Variants in MIB1 observed in about 807,000 individuals in gnomAD.
The protein encoded by MIB1 is E3 ubiquitin-protein ligase MIB1.
Under a neutral mutation model 124.5 loss-of-function variants are expected in MIB1, and 278 were observed. That is an observed-to-expected ratio of 2.23 (90% CI 2.02 to 2.47). The LOEUF (loss-of-function observed/expected upper bound fraction) is 2.47. MIB1 is among the 30% of genes most tolerant of loss of function. The probability of loss-of-function intolerance (pLI) is 0.00; values close to 1 mark genes in which losing one functional copy is unlikely to be tolerated. For missense variants in MIB1, 957 were observed against 1,254.4 expected (o/e 0.76, Z 3.58); for synonymous variants, 446 against 429.4 (o/e 1.04, Z -0.48).
At chr18:21,723,918 C>T (rs866053531) in intron 1 of MIB1, among the ~76,000 whole-genome samples, 6 of 151,752 alleles carry the variant, frequency 4.0e-5, no homozygotes, top group South Asian at 4.2e-4. Context: ...CCCTTTATTG[C>T]CCACACTGGT....
chr18:21,863,611 T>C (rs2042295536), intron 20 of MIB1, among the ~76,000 whole-genome samples: 1 of 152,054 alleles, frequency 6.6e-6, no homozygotes, highest in Non-Finnish European at 1.5e-5. Flanking sequence ...ACTACCTGGG[T>C]CTGGAGTCTT....
upstream of MIB1, among the ~76,000 whole-genome samples, chr18:21,737,063 C>G (rs2031042830): frequency 6.6e-6 from 1 of 152,098 alleles, no homozygotes; most frequent in African/African-American, 2.4e-5. Flanking sequence ...GACACATAAT[C>G]ATCAGATTCA....
At chr18:21,743,445 AATATATCCTTGTAC>A (rs368837669) in intron 1 of MIB1, among the ~76,000 whole-genome samples, 1,698 of 152,318 alleles carry the variant, frequency 0.011, 44 homozygotes, top group African/African-American at 0.038. Flanking sequence ...TGATGCAGTG[AATATATCCTTGTAC>A]ATATATCCTT....
intron 11 of MIB1, among the ~76,000 whole-genome samples, chr18:21,816,925 A>T (rs2041834910): frequency 6.6e-6 from 1 of 152,064 alleles, no homozygotes. Flanking sequence ...GAGGTGATTT[A>T]TACCTGCTGA....
Position 21,755,680 on chromosome 18 carries a change from G to A in MIB1, c.230-10092G>A, listed in dbSNP as rs1255194482. Among the ~76,000 whole-genome samples the A allele has an allele frequency of 2.0e-5, 3 of 152,180 alleles. No individual in the cohort carries two copies. The East Asian group carries it at 5.8e-4, about 29-fold the overall frequency. On this transcript the variant is annotated intron_variant, in intron 1 of 20. Coordinates refer to ENST00000261537, the MANE Select transcript of MIB1 (RefSeq NM_020774.4). Reference sequence around the variant, plus strand: ...AAGATAAGGTAGTATTTAAATTAGTGGAGGAGATAATGTCATAAGAAATGG... The same window carrying A: ...AAGATAAGGTAGTATTTAAATTAGTAGAGGAGATAATGTCATAAGAAATGG...
intron 1 of MIB1, among the ~76,000 whole-genome samples, chr18:21,734,716 A>G (rs1233593791): frequency 6.6e-6 from 1 of 152,046 alleles, no homozygotes; most frequent in Non-Finnish European, 1.5e-5. Context: ...TTTAGTAGAG[A>G]CAGGGTTTCA....
chr18:21,759,785 A>G (rs900912235), intron 1 of MIB1, among the ~76,000 whole-genome samples: 7 of 152,182 alleles, frequency 4.6e-5, no homozygotes, highest in Non-Finnish European at 1.0e-4. Flanking sequence ...TGAAAACTCT[A>G]CTTTTCTCTT....
chr18:21,845,966 C>A (rs968022591), intron 15 of MIB1, among the ~76,000 whole-genome samples: 1 of 152,084 alleles, frequency 6.6e-6, no homozygotes, highest in Non-Finnish European at 1.5e-5. Context: ...ATACTTTTAT[C>A]CAAAATCAGT....
intron 1 of MIB1, among the ~76,000 whole-genome samples, chr18:21,719,919 A>G (rs2040707249): frequency 6.6e-6 from 1 of 152,226 alleles, no homozygotes; most frequent in South Asian, 2.1e-4. Context: ...TAACTAAACA[A>G]TGGAAAAGCT....
chr18:21,826,134 AC>A (rs1313317764), intron 12 of MIB1: 1 of 169,454 alleles, frequency 5.9e-6, no homozygotes, highest in African/African-American at 2.4e-5. Flanking sequence ...GAACAAATAG[AC>A]CTTGATGTAT....
chr18:21,713,484 G>A (rs1474228534), intron 1 of MIB1, among the ~76,000 whole-genome samples: 1 of 151,634 alleles, frequency 6.6e-6, no homozygotes, highest in Non-Finnish European at 1.5e-5. Context: ...ATGGTGGCAC[G>A]CGCCTGTAAT....
chr18:21,741,751 A>G lies in MIB1; in HGVS notation c.168A>G (p.Thr56=). The change falls in exon 1 of 21, where the codon ACA becomes ACG. Residue 56 remains threonine (T), a synonymous_variant. Coordinates refer to ENST00000261537, the MANE Select transcript of MIB1 (RefSeq NM_020774.4). The surrounding 1 kb of genome is among the most constrained non-coding windows in gnomAD (Gnocchi z 5.4). ...EEVVVVWDNG[T]AANYRCSGAY... ...TGGTGGTAGTGTGGGACAACGGCAC[A>G]GCTGCCAACTACCGCTGCTCCGGGG... The G allele has an allele frequency of 1.9e-6, 3 of 1,611,078 alleles. No individual in the cohort carries two copies. Among genetic ancestry groups the G allele is most frequent in the Non-Finnish European group, 2.5e-6 (3 of 1,179,228 alleles).
intron 1 of MIB1, among the ~76,000 whole-genome samples, chr18:21,729,937 G>A (rs1311024108): frequency 1.3e-5 from 2 of 152,204 alleles, no homozygotes; most frequent in Non-Finnish European, 2.9e-5. Flanking sequence ...AGCAATCTAT[G>A]TGCCTTGCTC....
At chr18:21,744,150 C>T (rs764326783) in intron 1 of MIB1, among the ~76,000 whole-genome samples, 152 of 119,500 alleles carry the variant, frequency 1.3e-3, no homozygotes, top group Admixed American at 2.0e-3. Flanking sequence ...GCTCCTGGCT[C>T]TTGTTTTGCC....
At chr18:21,771,729 T>C (rs2041225886) in intron 3 of MIB1, among the ~76,000 whole-genome samples, 1 of 152,100 alleles carries the variant, frequency 6.6e-6, no homozygotes, top group African/African-American at 2.4e-5. Flanking sequence ...TTTATTTTTT[T>C]ATTCCTTAAA....
In MIB1 at chr18:21,730,647, A is replaced by G. The variant is rs2040765010; in HGVS notation, n.167+25524A>G. On this transcript the variant is annotated intron_variant and non_coding_transcript_variant, in intron 1 of 20. Transcript: ENST00000578646. ...ACCCTTTCACTTGGTTGCCCAAGCC[A>G]GAAAGCTGTAATTGCACTGGTCCAG... Among the ~76,000 whole-genome samples, 4 of 152,366 alleles carry G rather than the reference A, an allele frequency of 2.6e-5. No homozygotes were observed. The South Asian group carries it at 8.3e-4, about 32-fold the overall frequency.
At position 21,741,303 on chromosome 18, in the gene MIB1, C is replaced by T. The variant is rs556617397; in HGVS notation, c.-281C>T. On this transcript the variant is annotated 5_prime_UTR_variant, in exon 1 of 21. Transcript: ENST00000261537. This position sits in a 1 kb window ranked among gnomAD's most constrained non-coding sequence, Gnocchi z 5.4. ...CGGAGGAAGCGGGAGAGTCCCCGCC[C>T]ACGGCCCCCTCCCCTCTGCCCGCTC... 1.4e-3 allele frequency: 228 copies of T among 163,912 alleles called. 1 individual carries two copies. Among genetic ancestry groups the T allele is most frequent in the Non-Finnish European group, 4.7e-4 (36 of 76,206 alleles). The allele number at this position is 163,912 out of a possible 1,614,324, so 10.2% of individuals were successfully genotyped here.
chr18:21,761,179 A>G (rs2146400595), intron 1 of MIB1, among the ~76,000 whole-genome samples: 1 of 152,110 alleles, frequency 6.6e-6, no homozygotes, highest in African/African-American at 2.4e-5. Flanking sequence ...ACAAATACCA[A>G]AAGTTTACAA....
At chr18:21,764,728 GA>G (rs5823309) in intron 1 of MIB1, among the ~76,000 whole-genome samples, 65,606 of 147,112 alleles carry the variant, frequency 0.45, 16,910 homozygotes, top group African/African-American at 0.73. Context: ...CAGTTATTTT[GA>G]AAAAAAAAAC....
Sources: allele counts gnomAD v4.1 joint callset (sites outside exome capture counted in the v4.1 genomes callset), GRCh38; gene constraint gnomAD v4.1.1; non-coding constraint Gnocchi (gnomAD v3.1); transcripts MANE v1.5; gene names NCBI Gene and HGNC (gene_info 2026-07-23, HGNC 2026-07-21).